GREB1L: variants seen among roughly 807,000 people sequenced by gnomAD.
GREB1L encodes the protein GREB1-like protein.
A neutral mutation model predicts 200.8 loss-of-function variants in GREB1L; 17 were observed. The ratio of observed to expected loss-of-function variants is 0.08; its 90% CI spans 0.06 to 0.13. The LOEUF (loss-of-function observed/expected upper bound fraction) is 0.13, where lower values mean the gene tolerates loss of function less well. Among genes scored for constraint, GREB1L ranks in the 10% least tolerant of loss-of-function variants. The pLI is 1.00. For synonymous variants in GREB1L, 789 were observed against 893.0 expected, an observed-to-expected ratio of 0.88 and a Z score of 2.08; for missense variants, 1,657 against 2,367.7, an observed-to-expected ratio of 0.70 and a Z score of 6.23.
intron 19 of GREB1L, among the ~76,000 whole-genome samples, chr18:21,495,427 T>C (rs2036506681): frequency 6.6e-6 from 1 of 152,204 alleles, no homozygotes; most frequent in African/African-American, 2.4e-5. Flanking sequence ...GTGTTACTAA[T>C]GTCTGAGGTA....
intron 1 of GREB1L, chr18:21,317,388 C>A (rs2038887976): frequency 6.6e-6 from 1 of 151,878 alleles, no homozygotes; most frequent in Admixed American, 6.6e-5. Context: ...ATTACTTGAG[C>A]CCAGGAGTTC....
intron 1 of GREB1L, among the ~76,000 whole-genome samples, chr18:21,287,138 A>G (rs2038370606): frequency 6.6e-6 from 1 of 152,156 alleles, no homozygotes; most frequent in African/African-American, 2.4e-5. Context: ...GCAATTATAT[A>G]GGAATTTTTT....
intron 11 of GREB1L, among the ~76,000 whole-genome samples, chr18:21,448,527 C>A (rs1383137026): frequency 6.6e-6 from 1 of 152,166 alleles, no homozygotes; most frequent in African/African-American, 2.4e-5. Context: ...TCCAGCCCAT[C>A]ACCCCTTTGT....
intron 7 of GREB1L, among the ~76,000 whole-genome samples, chr18:21,416,824 A>G (rs371706663): frequency 3.8e-4 from 58 of 151,648 alleles, no homozygotes; most frequent in African/African-American, 1.4e-3. Context: ...TCAGGAGTTC[A>G]AGACCAGCCT....
At chr18:21,428,761 G>A (rs1458213693) in intron 7 of GREB1L, among the ~76,000 whole-genome samples, 3 of 137,638 alleles carry the variant, frequency 2.2e-5, no homozygotes, top group Admixed American at 8.0e-5. Flanking sequence ...TTGTCAGCCC[G>A]GGCTGGAGTG....
At chr18:21,257,978 A>G (rs1422143331) in intron 1 of GREB1L, among the ~76,000 whole-genome samples, 4 of 152,166 alleles carry the variant, frequency 2.6e-5, no homozygotes, top group Non-Finnish European at 5.9e-5. Context: ...AAGAGCCTTC[A>G]GGTACTAAGT....
chr18:21,441,077 A>G (rs2033871934), intron 9 of GREB1L, among the ~76,000 whole-genome samples: 1 of 152,228 alleles, frequency 6.6e-6, no homozygotes, highest in South Asian at 2.1e-4. Context: ...GTATGTAATG[A>G]ACAGATATAT....
intron 1 of GREB1L, among the ~76,000 whole-genome samples, chr18:21,363,051 C>T (rs138667324): frequency 2.0e-5 from 3 of 152,276 alleles, no homozygotes; most frequent in Non-Finnish European, 4.4e-5. Context: ...GACATTGTCA[C>T]AGGTTGCTTT....
chr18:21,315,065 A>G (rs1256798222), intron 1 of GREB1L, among the ~76,000 whole-genome samples: 2 of 152,152 alleles, frequency 1.3e-5, no homozygotes, highest in African/African-American at 4.8e-5. Flanking sequence ...CTTATAATCT[A>G]TTAGTTTAAG....
rs1171946736 is a variant in GREB1L, at chr18:21,347,933, A to ATT, written c.-119-18066_-119-18065dup. On this transcript the variant is annotated intron_variant, in intron 1 of 32. Transcript: ENST00000424526. ...AAGCACGTGCCACCACACTCGGCTA[A>ATT]TTTTTTTTTTTTTTTTTTTTTTTTT... Among the ~76,000 whole-genome samples, 26 of 77,362 alleles carry ATT rather than the reference A, an allele frequency of 3.4e-4. 5 individuals carry two copies. The highest frequency in any genetic ancestry group is 6.6e-4 in the African/African-American group (9 of 13,574). 50.8% of individuals were successfully genotyped at this position (77,362 alleles called of 152,430 possible). A position where few individuals can be genotyped will look rare whatever the true frequency, so the allele number is the denominator to read the frequency against.
At chr18:21,470,400 T>C (rs2035437653) in intron 15 of GREB1L, among the ~76,000 whole-genome samples, 2 of 152,222 alleles carry the variant, frequency 1.3e-5, no homozygotes, top group South Asian at 4.1e-4. Flanking sequence ...AGATCATTTT[T>C]AACATAATTA....
chr18:21,507,069 TA>T (rs1437764475), intron 25 of GREB1L, among the ~76,000 whole-genome samples: 1 of 152,180 alleles, frequency 6.6e-6, no homozygotes, highest in East Asian at 1.9e-4. Flanking sequence ...GGATATACTT[TA>T]AAAAACTGAT....
At chr18:21,337,384 T>C (rs151160409) in intron 1 of GREB1L, among the ~76,000 whole-genome samples, 398 of 152,304 alleles carry the variant, frequency 2.6e-3, no homozygotes, top group Non-Finnish European at 4.7e-3. Flanking sequence ...TGTTCCAGGA[T>C]AGTGCTAGCC....
At chr18:21,445,217 G>A (rs750382108) in intron 11 of GREB1L, among the ~76,000 whole-genome samples, 3 of 152,220 alleles carry the variant, frequency 2.0e-5, no homozygotes, top group Admixed American at 6.5e-5. Flanking sequence ...GCTCACGCCC[G>A]TGATCCCAAC....
chr18:21,349,176 C>T (rs2039397681), intron 1 of GREB1L, among the ~76,000 whole-genome samples: 2 of 152,164 alleles, frequency 1.3e-5, no homozygotes, highest in African/African-American at 4.8e-5. Context: ...TCTAATCACG[C>T]TTTCACACTT....
chr18:21,356,548 C>T (rs2039506843), intron 1 of GREB1L, among the ~76,000 whole-genome samples: 2 of 151,840 alleles, frequency 1.3e-5, no homozygotes, highest in African/African-American at 2.4e-5. Context: ...GTATATATAC[C>T]ACATTTTCCT....
chr18:21,511,324 G>A (rs900465552), intron 27 of GREB1L, among the ~76,000 whole-genome samples: 2 of 151,604 alleles, frequency 1.3e-5, no homozygotes, highest in Non-Finnish European at 1.5e-5. Context: ...AGATCGTACC[G>A]CTGCACTCCA....
chr18:21,332,321 CTCTT>C (rs941722729), intron 1 of GREB1L, among the ~76,000 whole-genome samples: 1 of 152,160 alleles, frequency 6.6e-6, no homozygotes, highest in South Asian at 2.1e-4. Flanking sequence ...CAAATGGAGT[CTCTT>C]TCTTTCAGGT....
At chr18:21,350,929 A>T (rs929736078) in intron 1 of GREB1L, among the ~76,000 whole-genome samples, 2 of 152,126 alleles carry the variant, frequency 1.3e-5, no homozygotes, top group Non-Finnish European at 2.9e-5. Context: ...CTGGCTGGCT[A>T]CTTCAACCTC....
Sources: allele counts gnomAD v4.1 joint callset (sites outside exome capture counted in the v4.1 genomes callset), GRCh38; gene constraint gnomAD v4.1.1; transcripts MANE v1.5; gene names NCBI Gene and HGNC (gene_info 2026-07-23, HGNC 2026-07-21).